LMBR1: variants seen among roughly 807,000 people sequenced by gnomAD.
The protein encoded by LMBR1 is limb development membrane protein 1.
LMBR1 carries 52 observed loss-of-function variants against 73.9 expected under a neutral mutation model. The observed-to-expected ratio is 0.70, with a 90% confidence interval of 0.56 to 0.89. The LOEUF is 0.89. Ranked by LOEUF, LMBR1 falls within the 40% of genes least tolerant of loss-of-function variation. LMBR1 has a pLI of 0.00. For missense variants in LMBR1, 539 were observed against 579.8 expected, an observed-to-expected ratio of 0.93 and a Z score of 0.72; for synonymous variants, 215 against 209.4, an observed-to-expected ratio of 1.03 and a Z score of -0.23.
chr7:156,786,212 GGAAGGAGGAAGGGAAGA>G (rs1159294949), intron 5 of LMBR1, among the ~76,000 whole-genome samples: 20 of 145,250 alleles, frequency 1.4e-4, no homozygotes, highest in East Asian at 8.1e-4. Context: ...GGGAAGGGAA[GGAAGGAGGAAGGGAAGA>G]GAAGGAGGAA....
At chr7:156,815,523 T>A (rs922863927) in intron 4 of LMBR1, among the ~76,000 whole-genome samples, 1 of 152,204 alleles carries the variant, frequency 6.6e-6, no homozygotes, top group Non-Finnish European at 1.5e-5. Flanking sequence ...TCACAAAGCA[T>A]ATATTTAAAC....
chr7:156,872,453 C>T (rs1799441036), intron 1 of LMBR1, among the ~76,000 whole-genome samples: 1 of 151,812 alleles, frequency 6.6e-6, no homozygotes, highest in East Asian at 1.9e-4. Context: ...TTCGAGACCA[C>T]CCAGACCAAC....
At chr7:156,850,025 C>T (rs915050888) in intron 1 of LMBR1, among the ~76,000 whole-genome samples, 1 of 152,162 alleles carries the variant, frequency 6.6e-6, no homozygotes, top group African/African-American at 2.4e-5. Flanking sequence ...AAAAGTAATA[C>T]GATTGCATTA....
At chr7:156,847,595 A>C (rs1395266534) in intron 1 of LMBR1, among the ~76,000 whole-genome samples, 1 of 152,208 alleles carries the variant, frequency 6.6e-6, no homozygotes, top group Non-Finnish European at 1.5e-5. Flanking sequence ...TTCAACCACA[A>C]GAAAACAAAC....
chr7:156,800,756 T>C (rs6950245), intron 4 of LMBR1, among the ~76,000 whole-genome samples: 51,808 of 151,992 alleles, frequency 0.34, 9,113 homozygotes, highest in East Asian at 0.57. Flanking sequence ...TGCACCATTC[T>C]AGATGCCATT....
chr7:156,852,180 C>T (rs1796326563), intron 1 of LMBR1, among the ~76,000 whole-genome samples: 1 of 152,086 alleles, frequency 6.6e-6, no homozygotes, highest in Non-Finnish European at 1.5e-5. Flanking sequence ...AATAATATAA[C>T]AATAAACACC....
At chr7:156,759,623 A>G (rs34294475) in intron 8 of LMBR1, among the ~76,000 whole-genome samples, 6,285 of 152,312 alleles carry the variant, frequency 0.041, 181 homozygotes, top group Non-Finnish European at 0.049. Context: ...ACTGAATGTT[A>G]CCAACAAGAA....
intron 5 of LMBR1, among the ~76,000 whole-genome samples, chr7:156,773,305 A>C (rs1825546508): frequency 6.6e-6 from 1 of 152,204 alleles, no homozygotes; most frequent in Non-Finnish European, 1.5e-5. Context: ...ATTCCTATCA[A>C]ACTACCAATG....
At chr7:156,821,932 T>C (rs1834861455) in intron 4 of LMBR1, among the ~76,000 whole-genome samples, 1 of 152,224 alleles carries the variant, frequency 6.6e-6, no homozygotes, top group Non-Finnish European at 1.5e-5. Context: ...GTGACTTTTG[T>C]TTTCCAAATC....
At chr7:156,734,761 A>T (rs1459137389) in intron 9 of LMBR1, among the ~76,000 whole-genome samples, 1 of 152,150 alleles carries the variant, frequency 6.6e-6, no homozygotes, top group Non-Finnish European at 1.5e-5. Flanking sequence ...CTTACTATAG[A>T]AAGTGAAAAA....
chr7:156,725,211 C>G (rs901452612), intron 14 of LMBR1, among the ~76,000 whole-genome samples: 1 of 152,136 alleles, frequency 6.6e-6, no homozygotes, highest in African/African-American at 2.4e-5. Flanking sequence ...AGTTAACAAG[C>G]TCTGCAGTTC....
At chr7:156,799,389 A>G (rs1463885442) in intron 4 of LMBR1, among the ~76,000 whole-genome samples, 4 of 152,152 alleles carry the variant, frequency 2.6e-5, no homozygotes, top group African/African-American at 9.7e-5. Flanking sequence ...AATTTTTGCA[A>G]TACTTCAAAC....
intron 5 of LMBR1, among the ~76,000 whole-genome samples, chr7:156,778,630 T>C (rs1826577188): frequency 6.6e-6 from 1 of 152,204 alleles, no homozygotes; most frequent in East Asian, 1.9e-4. Context: ...GAAATTTCAT[T>C]TGTTAATTCA....
At chr7:156,792,395 A>G (rs1016547515) in intron 5 of LMBR1, among the ~76,000 whole-genome samples, 24 of 152,232 alleles carry the variant, frequency 1.6e-4, no homozygotes, top group African/African-American at 5.8e-4. Flanking sequence ...CAATACACAT[A>G]GGTGACAGCA....
In LMBR1 at chr7:156,683,508, T is replaced by C. The variant is rs1458848155; in HGVS notation, c.*570A>G. ...GTCTAATCAGTATCATTCTATAACA[T>C]AAATCAGAAACTACGCTTTTTGCTT... is the stretch of plus-strand genomic sequence containing the variant. On this transcript the variant is annotated 3_prime_UTR_variant, in exon 17 of 17. Transcript: ENST00000353442. The C allele has an allele frequency of 6.6e-6, 1 of 152,646 alleles. No individual in the cohort carries two copies. The highest frequency in any genetic ancestry group is 6.5e-5 in the Admixed American group (1 of 15,284). 9.5% of individuals were successfully genotyped at this position (152,646 alleles called of 1,614,324 possible).
chr7:156,676,074 C>T (rs1034698801), downstream of LMBR1, among the ~76,000 whole-genome samples: 4 of 151,174 alleles, frequency 2.6e-5, no homozygotes, highest in African/African-American at 4.9e-5. Flanking sequence ...CCGGGGTAAC[C>T]GCTGCCCTAG....
chr7:156,735,370 G>A (rs962153642), intron 9 of LMBR1, among the ~76,000 whole-genome samples: 1 of 151,990 alleles, frequency 6.6e-6, no homozygotes, highest in Non-Finnish European at 1.5e-5. Context: ...TTCCCTAAAT[G>A]TGGTTGGACA....
chr7:156,830,836 G>A (rs6963500), intron 3 of LMBR1, among the ~76,000 whole-genome samples: 69,353 of 151,986 alleles, frequency 0.46, 15,999 homozygotes, highest in East Asian at 0.61. Flanking sequence ...TCACTATACA[G>A]GTATTTGCAG....
chr7:156,888,332 C>A (rs1028606995), intron 1 of LMBR1, among the ~76,000 whole-genome samples: 6 of 150,782 alleles, frequency 4.0e-5, no homozygotes, highest in Non-Finnish European at 8.8e-5. Flanking sequence ...ATGGCATGAA[C>A]CGGGGGGGCG....
Sources: gnomAD v4.1 joint callset for allele counts (sites outside exome capture counted in the v4.1 genomes callset) on GRCh38, gnomAD v4.1.1 for gene constraint, MANE v1.5 for transcripts, NCBI Gene and HGNC (gene_info 2026-07-23, HGNC 2026-07-21) for gene names.